The following PPY variants were observed in gnomAD, a reference collection of about 807,000 sequenced individuals.
PPY encodes pancreatic polypeptide prohormone.
A neutral mutation model predicts 9.3 loss-of-function variants in PPY; 6 were observed. That is an observed-to-expected ratio of 0.64 (90% CI 0.35 to 1.27). The LOEUF (loss-of-function observed/expected upper bound fraction) is 1.27. Among genes scored for constraint, PPY ranks in the 50% most tolerant of loss-of-function variants. The pLI is 0.03. For synonymous variants in PPY, 58 were observed against 54.6 expected, an observed-to-expected ratio of 1.06 and a Z score of -0.27; for missense variants, 109 against 119.1, an observed-to-expected ratio of 0.91 and a Z score of 0.40.
chr17:43,941,104 C>T (rs1426533758), intron 3 of PPY, 39 bp downstream of exon 3: 2 of 1,550,080 alleles, frequency 1.3e-6, no homozygotes, highest in Middle Eastern at 1.7e-4. Flanking sequence ...CATTTCAGCT[C>T]CAGGGAGCTG....
At position 43,940,968 on chromosome 17, in the gene PPY, A is replaced by C; in HGVS notation, c.264-16T>G. 1.2e-6 allele frequency: 2 copies of C among 1,606,050 alleles called. No individual in the cohort carries two copies. Among genetic ancestry groups the C allele is most frequent in the Non-Finnish European group, 1.7e-6 (2 of 1,176,554 alleles). ...GCTGAGCTCCCTGTGAGGACAGGGC[A>C]GAACATGGCAGTGTAGGGGGTAGGC... On this transcript the variant is annotated splice_polypyrimidine_tract_variant and intron_variant, in intron 3 of 3. Transcript: ENST00000225992.
chr17:43,941,070 G>T, intron 3 of PPY, 73 bp downstream of exon 3: 1 of 1,545,958 alleles, frequency 6.5e-7, no homozygotes, highest in Middle Eastern at 1.7e-4. Context: ...ACCTTTCCAA[G>T]CCCTGATTCA....
upstream of PPY, among the ~76,000 whole-genome samples, chr17:43,943,361 T>G (rs1275679839): frequency 6.6e-6 from 1 of 152,160 alleles, no homozygotes; most frequent in Non-Finnish European, 1.5e-5. Context: ...CCTGGACTGT[T>G]TTTTTTCCTA....
upstream of PPY, among the ~76,000 whole-genome samples, chr17:43,943,622 C>T (rs2048592015): frequency 6.6e-6 from 1 of 152,124 alleles, no homozygotes; most frequent in Admixed American, 6.6e-5. Flanking sequence ...CTGAATGACA[C>T]GGTGACACCA....
At chr17:43,943,663 C>T (rs564773320), upstream of PPY, among the ~76,000 whole-genome samples, 7 of 152,248 alleles carry the variant, frequency 4.6e-5, no homozygotes, top group South Asian at 1.0e-3. Flanking sequence ...TGACTGCTGA[C>T]GTTCTGCTGT....
Position 43,940,950 on chromosome 17 carries a change from TC to T in PPY, c.265del (p.Glu89SerfsTer44). 1 of 1,608,152 alleles carries T rather than the reference TC, an allele frequency of 6.2e-7. No homozygotes were observed. Among genetic ancestry groups the T allele is most frequent in the Non-Finnish European group, 8.5e-7 (1 of 1,177,598 alleles). On this transcript the variant is annotated frameshift_variant and splice_region_variant, in exon 4 of 4. Transcript: ENST00000225992. LOFTEE classifies it high-confidence loss of function. ...WGSPHAAVPR[E>X]LSPLDL is the part of the protein sequence containing the mutation. Reference sequence around the variant, plus strand: ...GCATTATAAGTCCAGCGGGCTGAGCTCCCTGTGAGGACAGGGCAGAACATGG... The same window carrying T: ...GCATTATAAGTCCAGCGGGCTGAGCTCCTGTGAGGACAGGGCAGAACATGG...
rs200881747 is a variant in PPY at position 43,941,492 on chromosome 17, T to G, written c.163A>C (p.Arg55=). ...GGCCTGGTCAGCATGTTGATGTATC[T>G]ACGGAGATCAGCTGCATACTGGGCC... ...QMAQYAADLR[R]YINMLTRPRY... is the part of the protein sequence containing the mutation. The change falls in exon 2 of 4, where the codon AGA becomes CGA. Residue 55 remains arginine, a synonymous_variant. Coordinates refer to ENST00000225992, the MANE Select transcript of PPY (RefSeq NM_002722.5). 6.2e-7 allele frequency: 1 copy of G among 1,613,974 alleles called. No homozygotes were observed. Among genetic ancestry groups the G allele is most frequent in the Non-Finnish European group, 8.5e-7 (1 of 1,179,994 alleles).
chr17:43,943,471 G>T (rs183547242), upstream of PPY, among the ~76,000 whole-genome samples: 1 of 152,034 alleles, frequency 6.6e-6, no homozygotes, highest in African/African-American at 2.4e-5. Flanking sequence ...CATAGCTACC[G>T]AGGTTCCGAA....
chr17:43,941,378 G>T, intron 2 of PPY, 86 bp downstream of exon 2: 1 of 1,585,620 alleles, frequency 6.3e-7, no homozygotes, highest in Middle Eastern at 1.8e-4. Context: ...GCTGGGGCTG[G>T]GGCTGGGGAT....
upstream of PPY, among the ~76,000 whole-genome samples, chr17:43,943,470 C>T (rs2048590957): frequency 3.3e-5 from 5 of 152,096 alleles, no homozygotes; most frequent in Admixed American, 1.3e-4. Context: ...TCATAGCTAC[C>T]GAGGTTCCGA....
chr17:43,940,899 C>A lies in PPY; in HGVS notation c.*29G>T. ...AGGGGAGAGCTGGGCTGGCGCTGCTCATGGAGTCGTAGGAGACAGAAGGTG... is the reference window on the plus strand; with the variant it reads ...AGGGGAGAGCTGGGCTGGCGCTGCTAATGGAGTCGTAGGAGACAGAAGGTG... On this transcript the variant is annotated 3_prime_UTR_variant, in exon 4 of 4. Coordinates refer to ENST00000225992, the MANE Select transcript of PPY (RefSeq NM_002722.5). 1 of 1,599,406 alleles carries A rather than the reference C, an allele frequency of 6.3e-7. No individual in the cohort carries two copies. Among genetic ancestry groups the A allele is most frequent in the South Asian group, 1.1e-5 (1 of 88,100 alleles).
At chr17:43,942,855 C>T (rs1040395671), upstream of PPY, among the ~76,000 whole-genome samples, 5 of 152,198 alleles carry the variant, frequency 3.3e-5, 1 homozygote, top group African/African-American at 9.6e-5. This position sits in a 1 kb window ranked among gnomAD's most constrained non-coding sequence, Gnocchi z 5.3. Context: ...AATCATCCAA[C>T]GGATTCTCTT....
In PPY at chr17:43,940,911, G is replaced by A. The variant is rs944888322; in HGVS notation, c.*17C>T. 6 of 1,603,990 alleles carry A rather than the reference G, an allele frequency of 3.7e-6. No individual in the cohort carries two copies. The Admixed American group carries it at 5.1e-5, about 14-fold the overall frequency. Reference sequence around the variant, plus strand: ...GGCTGGCGCTGCTCATGGAGTCGTAGGAGACAGAAGGTGGCATTATAAGTC... The same window carrying A: ...GGCTGGCGCTGCTCATGGAGTCGTAAGAGACAGAAGGTGGCATTATAAGTC... On this transcript the variant is annotated 3_prime_UTR_variant, in exon 4 of 4. Coordinates refer to ENST00000225992, the MANE Select transcript of PPY (RefSeq NM_002722.5).
Position 43,941,841 on chromosome 17 carries a change from G to C in PPY, c.1-187C>G, listed in dbSNP as rs558946265. ...TCCTAGACACTGCTCTGAAGGCACG[G>C]ACAGCCTGTCCTGTGAGCAGCCCAG... On this transcript the variant is annotated intron_variant, in intron 1 of 3. Transcript: ENST00000225992. Among the ~76,000 whole-genome samples the C allele has an allele frequency of 1.3e-5, 2 of 152,328 alleles. 1 individual carries two copies. The highest frequency in any genetic ancestry group is 4.1e-4 in the South Asian group (2 of 4,832).
rs2143867814 is a variant in PPY at position 43,941,234 on chromosome 17, AG to A, written c.192-21del. On this transcript the variant is annotated intron_variant, in intron 2 of 3. Coordinates refer to ENST00000225992, the MANE Select transcript of PPY (RefSeq NM_002722.5). ...CCATACCTGGGAGGGAAGAGGCAGCAGGGGCAAGCACTGTGCCCAGGTGCCA... is the reference window on the plus strand; with the variant it reads ...CCATACCTGGGAGGGAAGAGGCAGCAGGGCAAGCACTGTGCCCAGGTGCCA... 6.4e-7 allele frequency: 1 copy of A among 1,551,094 alleles called. No homozygotes were observed. The highest frequency in any genetic ancestry group is 8.7e-7 in the Non-Finnish European group (1 of 1,146,834).
At chr17:43,943,059 A>G (rs1246229422), upstream of PPY, among the ~76,000 whole-genome samples, 1 of 152,196 alleles carries the variant, frequency 6.6e-6, no homozygotes, top group Non-Finnish European at 1.5e-5. Flanking sequence ...TGGTGGGTGC[A>G]TAGGATGCAG....
chr17:43,941,538 G>T lies in PPY; in HGVS notation c.117C>A (p.Asp39Glu). The change falls in exon 2 of 4, where the codon GAC (aspartate) becomes GAA (glutamate). Residue 39 changes from aspartate to glutamate, a missense_variant. Coordinates refer to ENST00000225992, the MANE Select transcript of PPY (RefSeq NM_002722.5). ...GAPLEPVYPG[D>E]NATPEQMAQY... ...GGGCCATCTGCTCTGGTGTGGCATT[G>T]TCCCCTGGGTACACTGGCTCCAGTG... 3 of 1,614,050 alleles carry T rather than the reference G, an allele frequency of 1.9e-6. No homozygotes were observed. The highest frequency in any genetic ancestry group is 2.5e-6 in the Non-Finnish European group (3 of 1,180,018).
intron 1 of PPY, 54 bp from the exon 2 acceptor site, chr17:43,941,708 C>A (rs1055770720): frequency 1.3e-6 from 2 of 1,503,540 alleles, no homozygotes; most frequent in African/African-American, 2.8e-5. Flanking sequence ...TTTTCCCGTG[C>A]CCAGGAAGCA....
At chr17:43,941,443 C>T (rs181696418) in intron 2 of PPY, 21 bp downstream of exon 2, 152 of 1,613,534 alleles carry the variant, frequency 9.4e-5, no homozygotes, top group Middle Eastern at 5.3e-4. Flanking sequence ...TGGGATCTCT[C>T]TCCCCAACTG....
Sources: allele counts gnomAD v4.1 joint callset (sites outside exome capture counted in the v4.1 genomes callset), GRCh38; gene constraint gnomAD v4.1.1; non-coding constraint Gnocchi (gnomAD v3.1); transcripts MANE v1.5; gene names NCBI Gene and HGNC (gene_info 2026-07-23, HGNC 2026-07-21).